RPL32: variants seen among roughly 807,000 people sequenced by gnomAD.
RPL32 encodes ribosomal protein L32.
For missense variants in RPL32, 117 were observed against 173.7 expected (o/e 0.67, Z 1.83); for synonymous variants, 61 against 62.6 (o/e 0.98, Z 0.12).
rs201760257 is a variant in RPL32, at chr3:12,840,494, T to C, written c.-5-252A>G. The C allele has an allele frequency of 2.6e-3, 1,650 of 627,506 alleles. 5 individuals carry two copies. The highest frequency in any genetic ancestry group is 3.7e-3 in the Non-Finnish European group (1,224 of 328,774). The allele number at this position is 627,506 out of a possible 1,614,324, so 38.9% of individuals were successfully genotyped here. A position where few individuals can be genotyped will look rare whatever the true frequency, so the allele number is the denominator to read the frequency against. On this transcript the variant is annotated intron_variant, in intron 1 of 3. Transcript: ENST00000429711. ...TCAGAGCCCAAAGAATGCCAACAGC[T>C]GAGCAAATCAAAACTGACCCCAAGA...
intron 2 of RPL32, 116 bp downstream of exon 2, chr3:12,840,026 A>T (rs1229271764): frequency 1.2e-6 from 1 of 850,272 alleles, no homozygotes; most frequent in Non-Finnish European, 2.0e-6. Context: ...ATTTCTACAG[A>T]AAGCTCTTCC....
At chr3:12,837,725 C>A (rs552319553) in intron 3 of RPL32, among the ~76,000 whole-genome samples, 1 of 152,208 alleles carries the variant, frequency 6.6e-6, no homozygotes, top group African/African-American at 2.4e-5. Flanking sequence ...TCTTTGTAAA[C>A]GTAAACACAA....
chr3:12,840,275 G>A (rs1314470471), intron 1 of RPL32, 33 bp from the exon 2 acceptor site: 11 of 1,486,626 alleles, frequency 7.4e-6, no homozygotes, highest in Non-Finnish European at 1.0e-5. Context: ...AGGTGAGGAA[G>A]AATCCTGGAA....
At chr3:12,840,594 C>T in intron 1 of RPL32, 1 of 455,236 alleles carries the variant, frequency 2.2e-6, no homozygotes, top group South Asian at 1.6e-5. Context: ...TCCGGTAGTA[C>T]TGGCCTTGAC....
Position 12,834,991 on chromosome 3 carries a change from G to C in RPL32, c.*1103C>G, listed in dbSNP as rs1236646095. 6.6e-6 allele frequency: 1 copy of C among 152,178 alleles called. No individual in the cohort carries two copies. The highest frequency in any genetic ancestry group is 1.5e-5 in the Non-Finnish European group (1 of 68,034). 9.4% of individuals were successfully genotyped at this position (152,178 alleles called of 1,614,324 possible). ...ATTTATGACTAGGTTTTGAACAGGAGACAATCTGTAAGATTCCTGTCTAGA... is the reference window on the plus strand; with the variant it reads ...ATTTATGACTAGGTTTTGAACAGGACACAATCTGTAAGATTCCTGTCTAGA... On this transcript the variant is annotated 3_prime_UTR_variant, in exon 4 of 4. Coordinates refer to ENST00000429711, the MANE Select transcript of RPL32 (RefSeq NM_000994.4).
In RPL32 at chr3:12,840,087, C is replaced by T. The variant is rs1251272738; in HGVS notation, c.96+55G>A. On this transcript the variant is annotated intron_variant, in intron 2 of 3. Coordinates refer to ENST00000429711, the MANE Select transcript of RPL32 (RefSeq NM_000994.4). ...AATCCTGACTAGGTGATGTCAGAAA[C>T]TGTTGGAAACTCTTTTCTTCACCCC... is the stretch of plus-strand genomic sequence containing the variant. 5.3e-6 allele frequency: 7 copies of T among 1,318,230 alleles called. No individual in the cohort carries two copies. The East Asian group carries it at 1.6e-4, about 31-fold the overall frequency. 81.7% of individuals were successfully genotyped at this position (1,318,230 alleles called of 1,614,324 possible).
chr3:12,839,243 A>AC (rs375222503), intron 3 of RPL32, 106 bp downstream of exon 3: 7 of 994,330 alleles, frequency 7.0e-6, no homozygotes, highest in East Asian at 4.8e-5. Flanking sequence ...AATGTACAAC[A>AC]CCCCCCGCCA....
At chr3:12,837,514 G>A (rs775778747) in intron 3 of RPL32, among the ~76,000 whole-genome samples, 1 of 152,160 alleles carries the variant, frequency 6.6e-6, no homozygotes, top group Non-Finnish European at 1.5e-5. Flanking sequence ...CATACAACAG[G>A]TATTGCCTGT....
Position 12,834,825 on chromosome 3 carries a change from G to A in RPL32, c.*1269C>T, listed in dbSNP as rs1454887167. On this transcript the variant is annotated 3_prime_UTR_variant, in exon 4 of 4. Transcript: ENST00000429711. ...GTTACTTCTTTCCTCTGCACGACTC[G>A]TCTCCAATTGTTAATCGAATCGCCT... 3.3e-5 allele frequency: 5 copies of A among 152,130 alleles called. No homozygotes were observed. Among genetic ancestry groups the A allele is most frequent in the East Asian group, 3.8e-4 (2 of 5,200 alleles). The allele number at this position is 152,130 out of a possible 1,614,324, so 9.4% of individuals were successfully genotyped here. A position where few individuals can be genotyped will look rare whatever the true frequency, so the allele number is the denominator to read the frequency against.
Position 12,837,725 on chromosome 3 carries a change from C to T in RPL32, c.279-1502G>A, listed in dbSNP as rs552319553. ...TGTAGGTGAAAGTTATCTTTGTAAA[C>T]GTAAACACAAACATCCTAGTTAGTC... On this transcript the variant is annotated intron_variant, in intron 3 of 3. Coordinates refer to ENST00000429711, the MANE Select transcript of RPL32 (RefSeq NM_000994.4). Among the ~76,000 whole-genome samples, 112 of 152,326 alleles carry T rather than the reference C, an allele frequency of 7.4e-4. 1 individual carries two copies. Among genetic ancestry groups the T allele is most frequent in the African/African-American group, 2.4e-3 (98 of 41,582 alleles).
chr3:12,840,599 C>G, intron 1 of RPL32: 1 of 450,508 alleles, frequency 2.2e-6, no homozygotes, highest in Admixed American at 2.4e-5. Flanking sequence ...TAGTACTGGC[C>G]TTGACCATCT....
intron 1 of RPL32, chr3:12,840,507 A>T (rs2062143361): frequency 1.7e-6 from 1 of 599,298 alleles, no homozygotes; most frequent in African/African-American, 1.8e-5. Flanking sequence ...GCAAATCAAA[A>T]CTGACCCCAA....
At chr3:12,839,582 T>C (rs771848902) in intron 2 of RPL32, 52 bp from the exon 3 acceptor site, 3 of 1,571,078 alleles carry the variant, frequency 1.9e-6, no homozygotes, top group South Asian at 2.2e-5. Context: ...GTGCGAACTC[T>C]TCCTTTTGGG....
chr3:12,839,323 A>G, intron 3 of RPL32, 26 bp downstream of exon 3: 2 of 1,611,352 alleles, frequency 1.2e-6, no homozygotes, highest in South Asian at 2.2e-5. Context: ...CTGATCACTG[A>G]AAACTAGAGG....
In RPL32 at chr3:12,834,820, G is replaced by A. The variant is rs191109819; in HGVS notation, c.*1274C>T. ...TCTAAGTTACTTCTTTCCTCTGCACGACTCGTCTCCAATTGTTAATCGAAT... is the reference window on the plus strand; with the variant it reads ...TCTAAGTTACTTCTTTCCTCTGCACAACTCGTCTCCAATTGTTAATCGAAT... On this transcript the variant is annotated 3_prime_UTR_variant, in exon 4 of 4. Coordinates refer to ENST00000429711, the MANE Select transcript of RPL32 (RefSeq NM_000994.4). The A allele has an allele frequency of 9.2e-5, 14 of 152,304 alleles. No individual in the cohort carries two copies. In the East Asian group the frequency reaches 2.3e-3, roughly 25 times the overall value. 9.4% of individuals were successfully genotyped at this position (152,304 alleles called of 1,614,324 possible).
At chr3:12,840,604 C>G (rs1007495983) in intron 1 of RPL32, 2 of 446,404 alleles carry the variant, frequency 4.5e-6, no homozygotes, top group Non-Finnish European at 9.0e-6. Flanking sequence ...CTGGCCTTGA[C>G]CATCTACTTG....
chr3:12,836,316 A>C, intron 3 of RPL32, 93 bp from the exon 4 acceptor site: 1 of 1,484,542 alleles, frequency 6.7e-7, no homozygotes, highest in Non-Finnish European at 9.2e-7. Context: ...CACCAAGCTA[A>C]GAGAGGGCTG....
Position 12,835,631 on chromosome 3 carries a change from C to A in RPL32, c.*463G>T. On this transcript the variant is annotated 3_prime_UTR_variant, in exon 4 of 4. Transcript: ENST00000429711. ...TCCTGTTCTTTTTGGACAGAAGTTA[C>A]AGGATGCAATTTAGGCATCCCGTAA... The A allele has an allele frequency of 6.2e-6, 1 of 161,316 alleles. No homozygotes were observed. The highest frequency in any genetic ancestry group is 5.9e-5 in the Admixed American group (1 of 16,866). 10.0% of individuals were successfully genotyped at this position (161,316 alleles called of 1,614,324 possible).
At chr3:12,837,108 ATC>A (rs1192213528) in intron 3 of RPL32, among the ~76,000 whole-genome samples, 1 of 152,210 alleles carries the variant, frequency 6.6e-6, no homozygotes. Flanking sequence ...TACACTTCTC[ATC>A]TGTCTTTACT....
Sources: allele counts gnomAD v4.1 joint callset (sites outside exome capture counted in the v4.1 genomes callset), GRCh38; gene constraint gnomAD v4.1.1; transcripts MANE v1.5; gene names NCBI Gene and HGNC (gene_info 2026-07-23, HGNC 2026-07-21).